The following ANKRD28 variants were observed in gnomAD, a reference collection of about 807,000 sequenced individuals.
The protein encoded by ANKRD28 is ankyrin repeat domain 28.
A neutral mutation model predicts 126.5 loss-of-function variants in ANKRD28; 44 were observed. The ratio of observed to expected loss-of-function variants is 0.35; its 90% CI spans 0.27 to 0.45. The LOEUF (loss-of-function observed/expected upper bound fraction) is 0.45. Among genes scored for constraint, ANKRD28 ranks in the 20% least tolerant of loss-of-function variants. ANKRD28 has a pLI of 1.00. For missense variants in ANKRD28, 1,110 were observed against 1,316.6 expected (o/e 0.84, Z 2.43); for synonymous variants, 442 against 468.5 (o/e 0.94, Z 0.73).
intron 3 of ANKRD28, among the ~76,000 whole-genome samples, chr3:15,763,832 T>C (rs1266139825): frequency 6.6e-6 from 1 of 152,170 alleles, no homozygotes. Flanking sequence ...TTTTTTTTTA[T>C]TGAGAACTGA....
intron 4 of ANKRD28, among the ~76,000 whole-genome samples, chr3:15,748,963 CTGTT>C (rs1439566502): frequency 6.6e-6 from 1 of 151,940 alleles, no homozygotes; most frequent in African/African-American, 2.4e-5. Context: ...TAAAGTTCTT[CTGTT>C]TGTTTGATTG....
rs113903064 is a variant in ANKRD28, at chr3:15,721,848, G to A, written c.784-721C>T. ...AAACCTCTGCCTCCTAGGCTCAAGT[G>A]ATTCTCCTGCCTCAGCCTCCTGAGT... is the stretch of plus-strand genomic sequence containing the variant. On this transcript the variant is annotated intron_variant, in intron 7 of 27. Transcript: ENST00000683139. 9.3e-3 allele frequency among the ~76,000 whole-genome samples: 1,416 copies of A among 152,186 alleles called. 23 individuals are homozygous for A. The highest frequency in any genetic ancestry group is 0.032 in the African/African-American group (1,330 of 41,520).
In ANKRD28 at chr3:15,751,777, T is replaced by C. The variant is rs373578999; in HGVS notation, c.324A>G (p.Leu108=). 4.4e-6 allele frequency: 7 copies of C among 1,590,180 alleles called. No homozygotes were observed. The highest frequency in any genetic ancestry group is 6.0e-6 in the Non-Finnish European group (7 of 1,167,788). The change falls in exon 4 of 28, where the codon TTA becomes TTG. Residue 108 remains leucine, a synonymous_variant. Transcript: ENST00000683139. ...CACTACAAGATGCAACTGCTCTGTG[T>C]AAAGGTGTCAACCATTTGCTGTCTT... ...NAKDSKWLTP[L]HRAVASCSEE... is the part of the protein sequence containing the mutation.
At chr3:15,683,410 C>G (rs1475888003) in intron 21 of ANKRD28, among the ~76,000 whole-genome samples, 4 of 152,132 alleles carry the variant, frequency 2.6e-5, no homozygotes, top group Non-Finnish European at 4.4e-5. Flanking sequence ...GAGTACTAGT[C>G]TCTGGCCACT....
intron 1 of ANKRD28, among the ~76,000 whole-genome samples, chr3:15,840,777 C>T (rs963639575): frequency 3.9e-5 from 6 of 152,310 alleles, no homozygotes; most frequent in African/African-American, 1.4e-4. Context: ...GTGCCAAGAA[C>T]ACACATTAGG....
rs906294090 is a variant in ANKRD28, at chr3:15,815,358, G to A, written c.28-20052C>T. ...ATTTTGCCCTGTCACCCAGGTTGGA[G>A]TACAGTGGCCCAAATGTAGTTTCAA... On this transcript the variant is annotated intron_variant, in intron 1 of 27. Coordinates refer to the ANKRD28 transcript ENST00000399451. This position sits in a 1 kb window ranked among gnomAD's most constrained non-coding sequence, Gnocchi z 4.1. Among the ~76,000 whole-genome samples the A allele has an allele frequency of 6.6e-5, 10 of 152,158 alleles. No individual in the cohort carries two copies. Among genetic ancestry groups the A allele is most frequent in the South Asian group, 2.1e-4 (1 of 4,832 alleles).
At chr3:15,694,313 A>C (rs542736200) in intron 17 of ANKRD28, among the ~76,000 whole-genome samples, 85 of 152,282 alleles carry the variant, frequency 5.6e-4, no homozygotes, top group Middle Eastern at 3.4e-3. Flanking sequence ...AACACACAAC[A>C]AGTTAGCACC....
chr3:15,819,228 A>G (rs2060892713), intron 1 of ANKRD28, among the ~76,000 whole-genome samples: 1 of 152,218 alleles, frequency 6.6e-6, no homozygotes, highest in Non-Finnish European at 1.5e-5. Context: ...TAGTGAGCTG[A>G]GAGCATGTCA....
At chr3:15,754,561 A>G (rs150331686) in intron 3 of ANKRD28, among the ~76,000 whole-genome samples, 3 of 152,288 alleles carry the variant, frequency 2.0e-5, no homozygotes, top group Admixed American at 2.0e-4. Context: ...AATTCTGAAG[A>G]GGGAAAAAGA....
intron 2 of ANKRD28, among the ~76,000 whole-genome samples, chr3:15,775,649 C>G (rs2059227804): frequency 6.6e-6 from 1 of 152,168 alleles, no homozygotes; most frequent in Non-Finnish European, 1.5e-5. Flanking sequence ...TTTATATTTA[C>G]TGATGTATTA....
intron 1 of ANKRD28, among the ~76,000 whole-genome samples, chr3:15,841,536 A>C (rs2061424374): frequency 1.3e-5 from 2 of 152,254 alleles, no homozygotes; most frequent in South Asian, 2.1e-4. Flanking sequence ...ATTCTCTGAC[A>C]AGGGATTCAT....
intron 4 of ANKRD28, among the ~76,000 whole-genome samples, chr3:15,747,208 A>C (rs1249891345): frequency 2.9e-5 from 4 of 135,858 alleles, no homozygotes; most frequent in African/African-American, 1.1e-4. Context: ...TTCTGCTCTG[A>C]TCTTCATTAT....
chr3:15,744,463 C>T (rs2057339194), intron 4 of ANKRD28, among the ~76,000 whole-genome samples: 1 of 146,550 alleles, frequency 6.8e-6, no homozygotes, highest in Non-Finnish European at 1.5e-5. Flanking sequence ...GCGGGCACCA[C>T]CAAACCTGGC....
At chr3:15,840,738 C>T (rs6773547) in intron 1 of ANKRD28, among the ~76,000 whole-genome samples, 95,685 of 152,008 alleles carry the variant, frequency 0.63, 31,487 homozygotes, top group East Asian at 0.91. Context: ...TAAATCCACA[C>T]ACCTACAATG....
rs577531009 is a variant in ANKRD28 at position 15,773,521 on chromosome 3, A to C, written c.202-7209T>G. Among the ~76,000 whole-genome samples the C allele has an allele frequency of 1.1e-4, 16 of 152,276 alleles. No homozygotes were observed. In the East Asian group the frequency reaches 3.1e-3, roughly 29 times the overall value. Reference sequence around the variant, plus strand: ...GCGCCTGTAATCCCAGTTACTTGAGAAGCTGAGGCAGGAGAATTGCTTGAA... The same window carrying C: ...GCGCCTGTAATCCCAGTTACTTGAGCAGCTGAGGCAGGAGAATTGCTTGAA... On this transcript the variant is annotated intron_variant, in intron 2 of 27. Transcript: ENST00000683139.
chr3:15,730,588 T>C (rs2074507726), intron 6 of ANKRD28, among the ~76,000 whole-genome samples: 1 of 152,262 alleles, frequency 6.6e-6, no homozygotes, highest in African/African-American at 2.4e-5. Flanking sequence ...TAGGTTTGTC[T>C]GTAAGAGAGG....
At chr3:15,709,279 A>C (rs2071898857) in intron 13 of ANKRD28, among the ~76,000 whole-genome samples, 1 of 152,240 alleles carries the variant, frequency 6.6e-6, no homozygotes, top group Non-Finnish European at 1.5e-5. Flanking sequence ...TATGGGCAGT[A>C]GAATCCCTCA....
At chr3:15,727,567 A>C (rs1467138337) in intron 6 of ANKRD28, among the ~76,000 whole-genome samples, 6 of 44,186 alleles carry the variant, frequency 1.4e-4, no homozygotes, top group Non-Finnish European at 4.2e-4. Flanking sequence ...ACTCTGTCAA[A>C]AAAAAAAAAA....
At position 15,838,063 on chromosome 3, in the gene ANKRD28, C is replaced by T. The variant is rs1200956675; in HGVS notation, c.27+21314G>A. On this transcript the variant is annotated intron_variant, in intron 1 of 27. Coordinates refer to the ANKRD28 transcript ENST00000399451. The surrounding 1 kb of genome is among the most constrained non-coding windows in gnomAD (Gnocchi z 4.0). ...AAAATAAATTCTAAGACACAAATTACTGACTCTGAAGAAGATACAGAAAAT... is the reference window on the plus strand; with the variant it reads ...AAAATAAATTCTAAGACACAAATTATTGACTCTGAAGAAGATACAGAAAAT... 2.0e-5 allele frequency among the ~76,000 whole-genome samples: 3 copies of T among 152,054 alleles called. No homozygotes were observed. Among genetic ancestry groups the T allele is most frequent in the East Asian group, 3.8e-4 (2 of 5,202 alleles).
Sources: allele counts gnomAD v4.1 joint callset (sites outside exome capture counted in the v4.1 genomes callset), GRCh38; gene constraint gnomAD v4.1.1; non-coding constraint Gnocchi (gnomAD v3.1); transcripts MANE v1.5; gene names NCBI Gene and HGNC (gene_info 2026-07-23, HGNC 2026-07-21).